The following TRPM3 variants were observed in gnomAD, a reference collection of about 807,000 sequenced individuals.
TRPM3 encodes long transient receptor potential channel 3.
TRPM3 carries 77 observed loss-of-function variants against 181.2 expected under a neutral mutation model. That is an observed-to-expected ratio of 0.42 (90% CI 0.35 to 0.51). The LOEUF is 0.51. TRPM3 is among the 20% of genes least tolerant of loss of function. The probability of loss-of-function intolerance (pLI) is 0.01; values close to 1 mark genes in which losing one functional copy is unlikely to be tolerated. For synonymous variants in TRPM3, 745 were observed against 796.4 expected (o/e 0.94, Z 1.09); for missense variants, 1,759 against 2,196.7 (o/e 0.80, Z 3.98).
At chr9:71,304,846 T>C (rs2087119049) in intron 1 of TRPM3, among the ~76,000 whole-genome samples, 2 of 152,190 alleles carry the variant, frequency 1.3e-5, no homozygotes, top group African/African-American at 4.8e-5. Flanking sequence ...TTGGGTTCTG[T>C]AGCTCGGGTG....
At chr9:71,253,492 A>G (rs1260859009) in intron 1 of TRPM3, among the ~76,000 whole-genome samples, 1 of 152,206 alleles carries the variant, frequency 6.6e-6, no homozygotes, top group Non-Finnish European at 1.5e-5. Flanking sequence ...AGCATTACAT[A>G]GCCAAAAATG....
chr9:71,372,586 G>T (rs1411645737), intron 1 of TRPM3, among the ~76,000 whole-genome samples: 1 of 152,090 alleles, frequency 6.6e-6, no homozygotes, highest in Non-Finnish European at 1.5e-5. Context: ...GTTTTAATTT[G>T]CATTTCTGTA....
chr9:71,031,896 A>G (rs1009183532), intron 1 of TRPM3, among the ~76,000 whole-genome samples: 1 of 139,414 alleles, frequency 7.2e-6, no homozygotes, highest in Non-Finnish European at 1.5e-5. Flanking sequence ...GTATTTACTA[A>G]TATCTGGTTA....
chr9:71,306,672 G>A (rs1198722070), intron 1 of TRPM3, among the ~76,000 whole-genome samples: 2 of 152,098 alleles, frequency 1.3e-5, no homozygotes, highest in African/African-American at 4.8e-5. Flanking sequence ...TCAAGAGATC[G>A]AGACAATCCT....
At chr9:70,999,505 G>A (rs935827979) in intron 1 of TRPM3, among the ~76,000 whole-genome samples, 1 of 152,146 alleles carries the variant, frequency 6.6e-6, no homozygotes, top group Non-Finnish European at 1.5e-5. Context: ...GAATACAGAA[G>A]GGTAAAGAGT....
chr9:71,016,525 T>C (rs1410423285), intron 1 of TRPM3, among the ~76,000 whole-genome samples: 1 of 152,190 alleles, frequency 6.6e-6, no homozygotes, highest in Non-Finnish European at 1.5e-5. Context: ...TGTCCTTTTA[T>C]GACTGACTTA....
At chr9:70,956,867 CAGAG>C (rs2097078956) in intron 1 of TRPM3, among the ~76,000 whole-genome samples, 1 of 151,028 alleles carries the variant, frequency 6.6e-6, no homozygotes, top group Non-Finnish European at 1.5e-5. Context: ...GCCTGGGCAA[CAGAG>C]AAAGACCATA....
chr9:71,221,002 C>A (rs1427348177), intron 1 of TRPM3, among the ~76,000 whole-genome samples: 5 of 152,068 alleles, frequency 3.3e-5, no homozygotes, highest in Admixed American at 2.0e-4. Flanking sequence ...GTGAGACGGG[C>A]CAATCAAGAG....
At chr9:71,227,484 A>T (rs997758547) in intron 1 of TRPM3, among the ~76,000 whole-genome samples, 2 of 152,092 alleles carry the variant, frequency 1.3e-5, no homozygotes, top group African/African-American at 4.8e-5. Context: ...AGAAGAAAGA[A>T]ATAACATAAG....
chr9:71,444,005 C>A (rs2094169964), intron 1 of TRPM3, among the ~76,000 whole-genome samples: 1 of 151,752 alleles, frequency 6.6e-6, no homozygotes, highest in Non-Finnish European at 1.5e-5. Flanking sequence ...ATGGTGAAAC[C>A]CCATCTCTAC....
chr9:71,236,353 C>A (rs780727411), intron 1 of TRPM3, among the ~76,000 whole-genome samples: 5 of 152,116 alleles, frequency 3.3e-5, no homozygotes, highest in Non-Finnish European at 7.4e-5. Flanking sequence ...ATTCTAAAAT[C>A]TTATAATTTC....
intron 1 of TRPM3, among the ~76,000 whole-genome samples, chr9:71,426,286 TC>T (rs979537785): frequency 1.4e-4 from 5 of 36,308 alleles, no homozygotes; most frequent in South Asian, 7.6e-4. Flanking sequence ...CCCCAGCAAC[TC>T]TTTTTTTTTT....
chr9:70,559,451 A>G (rs2048524363), intron 22 of TRPM3, among the ~76,000 whole-genome samples: 1 of 152,356 alleles, frequency 6.6e-6, no homozygotes, highest in Non-Finnish European at 1.5e-5. Context: ...GTAATTGCCA[A>G]GGTTAAAGCA....
At chr9:71,231,103 C>T (rs2081022293) in intron 1 of TRPM3, among the ~76,000 whole-genome samples, 1 of 152,160 alleles carries the variant, frequency 6.6e-6, no homozygotes, top group Non-Finnish European at 1.5e-5. Flanking sequence ...CTGATGTAGG[C>T]TGAATTATGA....
intron 1 of TRPM3, among the ~76,000 whole-genome samples, chr9:71,009,723 G>T (rs887610292): frequency 2.6e-5 from 4 of 151,422 alleles, no homozygotes; most frequent in Admixed American, 2.0e-4. Context: ...CACAGAAATA[G>T]AAAAAAAATA....
intron 1 of TRPM3, among the ~76,000 whole-genome samples, chr9:70,885,667 G>A (rs2096072270): frequency 6.6e-6 from 1 of 152,036 alleles, no homozygotes; most frequent in Admixed American, 6.6e-5. Context: ...GCTTTACCAG[G>A]AAAACCTTAG....
intron 1 of TRPM3, among the ~76,000 whole-genome samples, chr9:71,058,515 T>C (rs1471976173): frequency 6.6e-6 from 1 of 152,048 alleles, no homozygotes; most frequent in East Asian, 1.9e-4. Flanking sequence ...GTCTACCTGA[T>C]GTATCTTGTA....
At chr9:71,257,013 G>C (rs1276354476) in intron 1 of TRPM3, among the ~76,000 whole-genome samples, 1 of 152,136 alleles carries the variant, frequency 6.6e-6, no homozygotes, top group Non-Finnish European at 1.5e-5. Context: ...ACCCTAACAT[G>C]GTTAAGCCAG....
intron 1 of TRPM3, among the ~76,000 whole-genome samples, chr9:71,340,500 T>C (rs1292897203): frequency 6.6e-6 from 1 of 152,078 alleles, no homozygotes; most frequent in Non-Finnish European, 1.5e-5. Flanking sequence ...CGAGATCTGA[T>C]GGTTTTAAGA....
Sources: gnomAD v4.1 joint callset for allele counts (sites outside exome capture counted in the v4.1 genomes callset) on GRCh38, gnomAD v4.1.1 for gene constraint, MANE v1.5 for transcripts, NCBI Gene and HGNC (gene_info 2026-07-23, HGNC 2026-07-21) for gene names.